Variants in ROBO2 observed in about 807,000 individuals in gnomAD.
ROBO2 encodes roundabout guidance receptor 2.
Under a neutral mutation model 160.8 loss-of-function variants are expected in ROBO2, and 53 were observed. The ratio of observed to expected loss-of-function variants is 0.33; its 90% CI spans 0.26 to 0.41. ROBO2 has a LOEUF of 0.41. Among genes scored for constraint, ROBO2 ranks in the 10% least tolerant of loss-of-function variants. ROBO2 has a pLI of 1.00. For missense variants in ROBO2, 1,577 were observed against 1,722.4 expected, an observed-to-expected ratio of 0.92 and a Z score of 1.49; for synonymous variants, 664 against 611.7, an observed-to-expected ratio of 1.09 and a Z score of -1.26.
chr3:76,928,308 T>C (rs2077112203), intron 2 of ROBO2, among the ~76,000 whole-genome samples: 1 of 152,116 alleles, frequency 6.6e-6, no homozygotes, highest in South Asian at 2.1e-4. Context: ...AAAGCAGCCC[T>C]ACCTACCCAT....
chr3:76,388,892 G>T (rs899779156), intron 2 of ROBO2, among the ~76,000 whole-genome samples: 2 of 151,828 alleles, frequency 1.3e-5, no homozygotes, highest in South Asian at 4.1e-4. Context: ...CTTAAACAGT[G>T]CATTTGCCTT....
chr3:76,159,473 T>G (rs1442815961), intron 2 of ROBO2, among the ~76,000 whole-genome samples: 1 of 152,178 alleles, frequency 6.6e-6, no homozygotes, highest in African/African-American at 2.4e-5. Flanking sequence ...TAAATTTTTT[T>G]TGGACTGCTA....
At chr3:76,078,866 T>C (rs2108011967) in intron 2 of ROBO2, among the ~76,000 whole-genome samples, 1 of 152,320 alleles carries the variant, frequency 6.6e-6, no homozygotes, top group East Asian at 1.9e-4. Flanking sequence ...TGTACAAGTG[T>C]CCCCCTTTCT....
chr3:76,314,702 C>T (rs760189307), intron 2 of ROBO2, among the ~76,000 whole-genome samples: 3 of 151,870 alleles, frequency 2.0e-5, no homozygotes, highest in Non-Finnish European at 2.9e-5. Context: ...ATTTTCTTTT[C>T]CCTAGCTTAC....
At chr3:76,993,391 C>T (rs1053489502) in intron 2 of ROBO2, among the ~76,000 whole-genome samples, 3 of 152,196 alleles carry the variant, frequency 2.0e-5, no homozygotes, top group Non-Finnish European at 2.9e-5. Context: ...CCCAAAGTCA[C>T]ATACAAATTA....
intron 2 of ROBO2, among the ~76,000 whole-genome samples, chr3:76,781,690 T>G (rs985039061): frequency 2.0e-5 from 3 of 150,776 alleles, no homozygotes; most frequent in African/African-American, 2.4e-5. Flanking sequence ...TATATAACAT[T>G]TACTGATTTG....
Position 76,498,717 on chromosome 3 carries a change from C to T in ROBO2, c.109+561115C>T, listed in dbSNP as rs1251615700. Reference sequence around the variant, plus strand: ...TTTTTTTTTGAGACAGAGTCTTGCTCTGTCGCCCAGGCTGGAGGGCAGTGG... The same window carrying T: ...TTTTTTTTTGAGACAGAGTCTTGCTTTGTCGCCCAGGCTGGAGGGCAGTGG... On this transcript the variant is annotated intron_variant, in intron 2 of 26. Transcript: ENST00000487694. 1.1e-4 allele frequency among the ~76,000 whole-genome samples: 15 copies of T among 137,558 alleles called. No individual in the cohort carries two copies. The South Asian group carries it at 3.1e-3, about 29-fold the overall frequency. 90.2% of individuals were successfully genotyped at this position (137,558 alleles called of 152,430 possible).
intron 1 of ROBO2, among the ~76,000 whole-genome samples, chr3:77,081,644 A>G (rs1435455852): frequency 2.0e-5 from 3 of 152,164 alleles, no homozygotes; most frequent in Non-Finnish European, 4.4e-5. Context: ...GTTATGTTGA[A>G]GGGAGGCAGT....
chr3:77,367,915 C>T (rs961711252), intron 2 of ROBO2, among the ~76,000 whole-genome samples: 3 of 151,516 alleles, frequency 2.0e-5, no homozygotes, highest in African/African-American at 7.3e-5. Context: ...AATTAGTTTT[C>T]GGATGTGAGT....
chr3:76,804,049 T>G (rs1315163685), intron 2 of ROBO2, among the ~76,000 whole-genome samples: 2 of 152,226 alleles, frequency 1.3e-5, no homozygotes, highest in East Asian at 3.8e-4. Context: ...CATAGTCACT[T>G]TATTCATTCA....
At chr3:77,420,255 A>C (rs2077592913) in intron 2 of ROBO2, among the ~76,000 whole-genome samples, 1 of 117,238 alleles carries the variant, frequency 8.5e-6, no homozygotes, top group Middle Eastern at 4.0e-3. Context: ...TTTACAGATG[A>C]CTTTTTTTTT....
intron 2 of ROBO2, among the ~76,000 whole-genome samples, chr3:77,459,387 G>T (rs560039387): frequency 6.6e-6 from 1 of 152,116 alleles, no homozygotes; most frequent in South Asian, 2.1e-4. Context: ...GTAATGACAA[G>T]AATTGAAATT....
chr3:76,249,004 GT>G (rs1223446681), intron 2 of ROBO2, among the ~76,000 whole-genome samples: 2 of 152,054 alleles, frequency 1.3e-5, no homozygotes, highest in African/African-American at 4.8e-5. Context: ...TGTATTTCGT[GT>G]TTTTTGGGAG....
At chr3:76,283,153 A>ATATATATATATATATATATATATAC in intron 2 of ROBO2, among the ~76,000 whole-genome samples, 1 of 12,064 alleles carries the variant, frequency 8.3e-5, no homozygotes, top group Non-Finnish European at 4.8e-4. Context: ...TATATATATA[A>ATATATATATATATATATATATATAC]AACTACATAT....
intron 2 of ROBO2, among the ~76,000 whole-genome samples, chr3:76,972,482 C>T (rs1382434239): frequency 6.6e-6 from 1 of 151,880 alleles, no homozygotes; most frequent in Non-Finnish European, 1.5e-5. Flanking sequence ...ATGGCTGGTG[C>T]TCTTTGTACC....
At chr3:77,198,182 A>T (rs1300665915) in intron 2 of ROBO2, among the ~76,000 whole-genome samples, 2 of 152,218 alleles carry the variant, frequency 1.3e-5, no homozygotes, top group African/African-American at 4.8e-5. Flanking sequence ...AAATTGCATG[A>T]TCTCCTTGTT....
intron 2 of ROBO2, among the ~76,000 whole-genome samples, chr3:76,721,174 C>T (rs1202204357): frequency 6.6e-6 from 1 of 152,144 alleles, no homozygotes; most frequent in East Asian, 1.9e-4. Context: ...TGATGGATAT[C>T]TAAAATCTAA....
intron 2 of ROBO2, among the ~76,000 whole-genome samples, chr3:76,042,732 C>T (rs190782291): frequency 1.3e-5 from 2 of 151,996 alleles, no homozygotes; most frequent in Admixed American, 6.5e-5. Flanking sequence ...ACTTAGAACC[C>T]GATGTTACCC....
chr3:76,842,095 C>T (rs1348257492), intron 2 of ROBO2, among the ~76,000 whole-genome samples: 1 of 152,266 alleles, frequency 6.6e-6, no homozygotes, highest in African/African-American at 2.4e-5. Flanking sequence ...TTGCCACAAT[C>T]GTGTTGTTAT....
Sources: allele counts gnomAD v4.1 joint callset (sites outside exome capture counted in the v4.1 genomes callset), GRCh38; gene constraint gnomAD v4.1.1; transcripts MANE v1.5; gene names NCBI Gene and HGNC (gene_info 2026-07-23, HGNC 2026-07-21).